Variants in GON4L observed in about 807,000 individuals in gnomAD.
GON4L encodes gon-4 like.
In GON4L, 87 loss-of-function variants were observed where a neutral mutation model predicts 211.8. The ratio of observed to expected loss-of-function variants is 0.41; its 90% CI spans 0.35 to 0.49. The LOEUF (loss-of-function observed/expected upper bound fraction) is 0.49. Among genes scored for constraint, GON4L ranks in the 20% least tolerant of loss-of-function variants. GON4L has a pLI of 0.15. For missense variants in GON4L, 2,155 were observed against 2,659.5 expected (o/e 0.81, Z 4.17); for synonymous variants, 875 against 962.6 (o/e 0.91, Z 1.68).
In GON4L at chr1:155,765,948, G is replaced by C. The variant is rs1473093879; in HGVS notation, c.3525C>G (p.Pro1175=). 6.2e-7 allele frequency: 1 copy of C among 1,614,048 alleles called. No individual in the cohort carries two copies. The highest frequency in any genetic ancestry group is 1.3e-5 in the African/African-American group (1 of 74,908). The change falls in exon 21 of 32, where the codon CCC becomes CCG. Residue 1175 remains proline (P), a synonymous_variant. Transcript: ENST00000368331. ...QPVNAAVAQS[P]QTIPITTLLV... ...AGAGGGTAGTGATGGGAATAGTCTGGGGACTCTGGGCCACAGCCGCATTGA... is the reference window on the plus strand; with the variant it reads ...AGAGGGTAGTGATGGGAATAGTCTGCGGACTCTGGGCCACAGCCGCATTGA...
At chr1:155,829,974 A>T (rs1669596602) in intron 2 of GON4L, among the ~76,000 whole-genome samples, 1 of 150,810 alleles carries the variant, frequency 6.6e-6, no homozygotes, top group South Asian at 2.1e-4. Flanking sequence ...TTTTCCAGAC[A>T]GAGTCTCGCT....
chr1:155,774,568 A>G (rs1485878951), intron 17 of GON4L, among the ~76,000 whole-genome samples: 2 of 152,090 alleles, frequency 1.3e-5, no homozygotes, highest in South Asian at 2.1e-4. Flanking sequence ...CGGCCTCCCA[A>G]AGTACTGGGA....
In GON4L at chr1:155,752,058, A is replaced by G. The variant is rs1254152091; in HGVS notation, c.6375T>C (p.Gly2125=). ...CCTTTGGCTGCTGCTCCCCCTCTGGACCCTTGGCCTGTGTTCCACTGTCTT... is the reference window on the plus strand; with the variant it reads ...CCTTTGGCTGCTGCTCCCCCTCTGGGCCCTTGGCCTGTGTTCCACTGTCTT... ...LAKDSGTQAK[G]PEGEQQPKAA... is the part of the protein sequence containing the mutation. The change falls in exon 30 of 32, where the codon GGT becomes GGC. Residue 2125 remains glycine (G), a synonymous_variant. Coordinates refer to ENST00000368331, the MANE Select transcript of GON4L (RefSeq NM_001282860.2). The G allele has an allele frequency of 1.9e-6, 3 of 1,613,400 alleles. No homozygotes were observed. In the East Asian group the frequency reaches 6.7e-5, roughly 36 times the overall value.
At position 155,816,227 on chromosome 1, in the gene GON4L, C is replaced by T. The variant is rs1270065865; in HGVS notation, c.1050G>A (p.Lys350=). 2 of 1,345,652 alleles carry T rather than the reference C, an allele frequency of 1.5e-6. No individual in the cohort carries two copies. The highest frequency in any genetic ancestry group is 1.7e-5 in the Admixed American group (1 of 59,212). The allele number at this position is 1,345,652 out of a possible 1,614,324, so 83.4% of individuals were successfully genotyped here. Reference sequence around the variant, plus strand: ...CCAAGTTTACCTTAATTTCATTGGCCTTCTTAATTGGTGAAATATTCCATG... The same window carrying T: ...CCAAGTTTACCTTAATTTCATTGGCTTTCTTAATTGGTGAAATATTCCATG... ...IPTWNISPIK[K]ANEIKPPQFV... is the part of the protein sequence containing the mutation. Residue 350 remains lysine, a synonymous_variant, in exon 7 of 32, where the codon AAG becomes AAA. Transcript: ENST00000368331.
chr1:155,748,547 A>T, downstream of GON4L: 4 of 1,613,786 alleles, frequency 2.5e-6, no homozygotes, highest in Non-Finnish European at 3.4e-6. Flanking sequence ...AAGCTTTGTG[A>T]GGGGTTGGGT....
chr1:155,833,299 T>C (rs969142190), intron 2 of GON4L, among the ~76,000 whole-genome samples: 1 of 151,944 alleles, frequency 6.6e-6, no homozygotes, highest in African/African-American at 2.4e-5. Context: ...CTTGAAAAAA[T>C]ATGCAATAAT....
chr1:155,792,270 G>A (rs189734276), intron 12 of GON4L, among the ~76,000 whole-genome samples: 14 of 152,048 alleles, frequency 9.2e-5, no homozygotes, highest in African/African-American at 3.4e-4. Context: ...ATCCATATAA[G>A]GATAAGTCCT....
intron 2 of GON4L, among the ~76,000 whole-genome samples, chr1:155,840,520 G>C (rs999872567): frequency 6.6e-6 from 1 of 152,132 alleles, no homozygotes; most frequent in Non-Finnish European, 1.5e-5. Flanking sequence ...TATTTTTACA[G>C]CCTCCTGACA....
intron 11 of GON4L, among the ~76,000 whole-genome samples, chr1:155,802,721 AGAGGCAGGAGGATCGCTT>A (rs1433452572): frequency 3.3e-5 from 5 of 152,216 alleles, no homozygotes; most frequent in African/African-American, 1.2e-4. Flanking sequence ...TTTGGAAAGC[AGAGGCAGGAGGATCGCTT>A]GAGCGCAGGA....
At chr1:155,788,388 T>C (rs923467710) in intron 12 of GON4L, among the ~76,000 whole-genome samples, 1 of 152,236 alleles carries the variant, frequency 6.6e-6, no homozygotes, top group African/African-American at 2.4e-5. Flanking sequence ...GAAAATGGTC[T>C]GGCAATTTCT....
At chr1:155,799,607 T>C (rs1362474815) in intron 11 of GON4L, among the ~76,000 whole-genome samples, 1 of 152,208 alleles carries the variant, frequency 6.6e-6, no homozygotes, top group Non-Finnish European at 1.5e-5. Flanking sequence ...ACCATACTCA[T>C]TAGATTCTGA....
intron 6 of GON4L, among the ~76,000 whole-genome samples, chr1:155,816,773 T>TTTTAAA (rs377228820): frequency 1.3e-5 from 1 of 78,084 alleles, no homozygotes; most frequent in African/African-American, 4.8e-5. Context: ...TTTTTTTTCT[T>TTTTAAA]AAAAAAAAAA....
In GON4L at chr1:155,762,368, C is replaced by T. The variant is rs754281542; in HGVS notation, c.4733G>A (p.Ser1578Asn). 1.9e-6 allele frequency: 3 copies of T among 1,609,400 alleles called. No homozygotes were observed. Among genetic ancestry groups the T allele is most frequent in the African/African-American group, 2.7e-5 (2 of 74,904 alleles). Residue 1578 changes from serine (S) to asparagine (N), a missense_variant, in exon 23 of 32, where the codon AGC becomes AAC. Coordinates refer to ENST00000368331, the MANE Select transcript of GON4L (RefSeq NM_001282860.2). ...VETSRTPPGE[S>N]IKAAGKGRNN... ...CCGGCCTTTTCCAGCAGCTTTGATGCTCTCTCCTTGTAGCACACATGAAAA... is the reference window on the plus strand; with the variant it reads ...CCGGCCTTTTCCAGCAGCTTTGATGTTCTCTCCTTGTAGCACACATGAAAA...
chr1:155,791,575 CAAA>C (rs1476203020), intron 12 of GON4L, among the ~76,000 whole-genome samples: 1 of 147,190 alleles, frequency 6.8e-6, no homozygotes, highest in East Asian at 2.0e-4. Flanking sequence ...CAACAAAAGA[CAAA>C]TAGGAGGCCG....
intron 2 of GON4L, among the ~76,000 whole-genome samples, chr1:155,838,791 A>G (rs1053554719): frequency 1.3e-5 from 2 of 150,244 alleles, no homozygotes; most frequent in African/African-American, 4.9e-5. Context: ...AAGAAAAAAA[A>G]TTATAAATAA....
At chr1:155,843,970 ATTT>A (rs1200450411) in intron 2 of GON4L, among the ~76,000 whole-genome samples, 1 of 152,206 alleles carries the variant, frequency 6.6e-6, no homozygotes, top group South Asian at 2.1e-4. Flanking sequence ...ATAGCTTTCC[ATTT>A]TGCTTATCAA....
chr1:155,854,318 T>TA (rs1173257167), intron 1 of GON4L, among the ~76,000 whole-genome samples: 1 of 152,170 alleles, frequency 6.6e-6, no homozygotes. Flanking sequence ...TACGCCTGGC[T>TA]AATTTTTTTT....
At chr1:155,838,522 C>G (rs1670508723) in intron 2 of GON4L, among the ~76,000 whole-genome samples, 1 of 152,038 alleles carries the variant, frequency 6.6e-6, no homozygotes, top group African/African-American at 2.4e-5. Context: ...CACCTGTAAT[C>G]CCAGCACTTT....
chr1:155,752,799 T>C lies in GON4L; in HGVS notation c.5843-209A>G, dbSNP rs112471572. Among the ~76,000 whole-genome samples the C allele has an allele frequency of 1.3e-4, 20 of 152,066 alleles. 1 individual carries two copies. The highest frequency in any genetic ancestry group is 1.0e-3 in the South Asian group (5 of 4,834). ...ACTAGCCTGGGCAATATGGTGAGAC[T>C]CCATCTCTACAAGAAAATATAAATA... On this transcript the variant is annotated intron_variant, in intron 29 of 31. Coordinates refer to ENST00000368331, the MANE Select transcript of GON4L (RefSeq NM_001282860.2).
Sources: gnomAD v4.1 joint callset for allele counts (sites outside exome capture counted in the v4.1 genomes callset) on GRCh38, gnomAD v4.1.1 for gene constraint, MANE v1.5 for transcripts, NCBI Gene and HGNC (gene_info 2026-07-23, HGNC 2026-07-21) for gene names.